The following CAMTA1 variants were observed in gnomAD, a reference collection of about 807,000 sequenced individuals.
CAMTA1 encodes calmodulin binding transcription activator 1, also known as calmodulin-binding transcription activator 1.
Under a neutral mutation model 170.9 loss-of-function variants are expected in CAMTA1, and 27 were observed. The ratio of observed to expected loss-of-function variants is 0.16; its 90% confidence interval spans 0.12 to 0.22. The LOEUF is 0.22. Among genes scored for constraint, CAMTA1 ranks in the 10% least tolerant of loss-of-function variants. CAMTA1 has a pLI of 1.00. For missense variants in CAMTA1, 1,619 were observed against 2,217.2 expected (o/e 0.73, Z 5.42); for synonymous variants, 833 against 891.5 (o/e 0.93, Z 1.17).
At chr1:7,057,351 A>G (rs757906368) in intron 3 of CAMTA1, among the ~76,000 whole-genome samples, 31 of 152,292 alleles carry the variant, frequency 2.0e-4, no homozygotes, top group Non-Finnish European at 2.8e-4. Context: ...TCGCAGCCAG[A>G]ACAGGGTTTT....
At chr1:6,926,420 TTTCTC>T (rs1206011793) in intron 3 of CAMTA1, among the ~76,000 whole-genome samples, 2 of 145,678 alleles carry the variant, frequency 1.4e-5, no homozygotes, top group Non-Finnish European at 3.0e-5. Flanking sequence ...TCTCTTTTCT[TTTCTC>T]TTTCTTTCTT....
At chr1:7,353,546 TC>T (rs2084862156) in intron 5 of CAMTA1, among the ~76,000 whole-genome samples, 1 of 150,738 alleles carries the variant, frequency 6.6e-6, no homozygotes, top group Non-Finnish European at 1.5e-5. Flanking sequence ...TGCCTTAGCC[TC>T]CCGAGTAGCT....
intron 5 of CAMTA1, among the ~76,000 whole-genome samples, chr1:7,322,488 A>C (rs2149690796): frequency 6.6e-6 from 1 of 152,376 alleles, no homozygotes; most frequent in South Asian, 2.1e-4. Context: ...ATAAAACTTT[A>C]TTTATAAAAA....
chr1:6,954,011 C>G (rs1689003306), intron 3 of CAMTA1, among the ~76,000 whole-genome samples: 1 of 152,194 alleles, frequency 6.6e-6, no homozygotes, highest in African/African-American at 2.4e-5. Flanking sequence ...GGGAGGGACG[C>G]TCAGGCCCCT....
At chr1:6,993,708 G>GT (rs1017867619) in intron 3 of CAMTA1, among the ~76,000 whole-genome samples, 1 of 152,034 alleles carries the variant, frequency 6.6e-6, no homozygotes, top group Non-Finnish European at 1.5e-5. Flanking sequence ...CATGGTGTAT[G>GT]TTTTTTTATC....
chr1:6,799,370 G>C (rs1271282309), intron 1 of CAMTA1, among the ~76,000 whole-genome samples: 1 of 152,200 alleles, frequency 6.6e-6, no homozygotes, highest in African/African-American at 2.4e-5. Context: ...TGCCTGGCTT[G>C]TACTCTTTCA....
rs1426028911 is a variant in CAMTA1 at position 7,767,163 on chromosome 1, A to G, written c.*672A>G. 6.5e-6 allele frequency: 1 copy of G among 152,818 alleles called. No individual in the cohort carries two copies. Among genetic ancestry groups the G allele is most frequent in the East Asian group, 1.9e-4 (1 of 5,346 alleles). The allele number at this position is 152,818 out of a possible 1,614,324, so 9.5% of individuals were successfully genotyped here. On this transcript the variant is annotated 3_prime_UTR_variant, in exon 23 of 23. Transcript: ENST00000303635. Reference sequence around the variant, plus strand: ...ATTTGCAGAGGGGCAGGTGTGTGGTAAACGGGTAATGCATGGGAAATAATG... The same window carrying G: ...ATTTGCAGAGGGGCAGGTGTGTGGTGAACGGGTAATGCATGGGAAATAATG...
At chr1:7,430,937 T>A (rs1433758715) in intron 5 of CAMTA1, among the ~76,000 whole-genome samples, 2 of 152,272 alleles carry the variant, frequency 1.3e-5, no homozygotes, top group Non-Finnish European at 2.9e-5. Context: ...ATTCCCTTTA[T>A]AACAATTTCT....
rs1217494006 is a variant in CAMTA1, at chr1:6,943,163, C to T, written c.234+117953C>T. 3.9e-5 allele frequency among the ~76,000 whole-genome samples: 6 copies of T among 152,008 alleles called. No homozygotes were observed. In the East Asian group the frequency reaches 5.8e-4, roughly 15 times the overall value. On this transcript the variant is annotated intron_variant, in intron 3 of 22. Transcript: ENST00000303635. Reference sequence around the variant, plus strand: ...TTAGCAGCGGTTAACACAGCCACTCCGGCCCTCCTCCCCTCCTCCCCTCCG... The same window carrying T: ...TTAGCAGCGGTTAACACAGCCACTCTGGCCCTCCTCCCCTCCTCCCCTCCG...
At position 6,938,175 on chromosome 1, in the gene CAMTA1, C is replaced by A. The variant is rs368535293; in HGVS notation, c.234+112965C>A. Among the ~76,000 whole-genome samples, 180 of 152,296 alleles carry A rather than the reference C, an allele frequency of 1.2e-3. 1 individual carries two copies. The highest frequency in any genetic ancestry group is 4.2e-3 in the African/African-American group (174 of 41,544). On this transcript the variant is annotated intron_variant, in intron 3 of 22. Coordinates refer to ENST00000303635, the MANE Select transcript of CAMTA1 (RefSeq NM_015215.4). Reference sequence around the variant, plus strand: ...TATAGGATAAAAGGATGAAAGGAGACGTCAACTCTGTACTTTTGTCAAGAG... The same window carrying A: ...TATAGGATAAAAGGATGAAAGGAGAAGTCAACTCTGTACTTTTGTCAAGAG...
chr1:7,031,584 G>T (rs1283878734), intron 3 of CAMTA1, among the ~76,000 whole-genome samples: 13 of 152,260 alleles, frequency 8.5e-5, no homozygotes, highest in African/African-American at 3.1e-4. Flanking sequence ...CTGTCACCCA[G>T]GCTGGAGTGC....
chr1:7,747,111 C>T (rs2096862491), intron 18 of CAMTA1, among the ~76,000 whole-genome samples: 1 of 152,172 alleles, frequency 6.6e-6, no homozygotes, highest in Non-Finnish European at 1.5e-5. Context: ...ATCACCATGT[C>T]AACATACTGT....
intron 3 of CAMTA1, among the ~76,000 whole-genome samples, chr1:6,969,164 G>A (rs1339908382): frequency 6.6e-6 from 1 of 152,208 alleles, no homozygotes; most frequent in African/African-American, 2.4e-5. Context: ...TAAACCAGAT[G>A]CCTTGTCTAC....
chr1:7,744,728 C>T, intron 16 of CAMTA1, 107 bp from the exon 17 acceptor site: 1 of 883,914 alleles, frequency 1.1e-6, no homozygotes, highest in South Asian at 1.7e-5. Flanking sequence ...GAAGTCTGCC[C>T]TCCTGCCTGA....
intron 3 of CAMTA1, among the ~76,000 whole-genome samples, chr1:6,912,731 C>T (rs886580307): frequency 6.6e-6 from 1 of 152,200 alleles, no homozygotes; most frequent in Non-Finnish European, 1.5e-5. Flanking sequence ...CAGAAGACTA[C>T]CCCAGTTCAC....
At chr1:6,974,652 T>G (rs1028730578) in intron 3 of CAMTA1, among the ~76,000 whole-genome samples, 2 of 152,198 alleles carry the variant, frequency 1.3e-5, no homozygotes, top group African/African-American at 2.4e-5. Flanking sequence ...AGCCGACTCC[T>G]CTTACCTGCC....
chr1:6,924,555 T>G (rs1480025049), intron 3 of CAMTA1, among the ~76,000 whole-genome samples: 1 of 152,206 alleles, frequency 6.6e-6, no homozygotes, highest in Non-Finnish European at 1.5e-5. Context: ...GTGTCGACTC[T>G]GCCTTTCTGA....
At chr1:7,160,358 G>T (rs552873602) in intron 4 of CAMTA1, among the ~76,000 whole-genome samples, 2 of 152,272 alleles carry the variant, frequency 1.3e-5, no homozygotes, top group African/African-American at 4.8e-5. Flanking sequence ...CAAAGTGGCT[G>T]TCTTTACCTT....
At chr1:6,865,014 A>G (rs1666100681) in intron 3 of CAMTA1, among the ~76,000 whole-genome samples, 1 of 152,194 alleles carries the variant, frequency 6.6e-6, no homozygotes, top group Non-Finnish European at 1.5e-5. Flanking sequence ...TATGTGGCCC[A>G]GGCTGGTCTG....
Sources: gnomAD v4.1 joint callset for allele counts (sites outside exome capture counted in the v4.1 genomes callset) on GRCh38, gnomAD v4.1.1 for gene constraint, MANE v1.5 for transcripts, NCBI Gene and HGNC (gene_info 2026-07-23, HGNC 2026-07-21) for gene names.